LRCH3: variants seen among roughly 807,000 people sequenced by gnomAD.
LRCH3 encodes the protein DISP complex protein LRCH3.
A neutral mutation model predicts 104.5 loss-of-function variants in LRCH3; 68 were observed. The ratio of observed to expected loss-of-function variants is 0.65; its 90% CI spans 0.54 to 0.80. The LOEUF is 0.80. Among genes scored for constraint, LRCH3 ranks in the 30% least tolerant of loss-of-function variants. LRCH3 has a pLI of 0.00. For missense variants in LRCH3, 951 were observed against 953.9 expected, an observed-to-expected ratio of 1.00 and a Z score of 0.04; for synonymous variants, 344 against 361.3, an observed-to-expected ratio of 0.95 and a Z score of 0.54.
chr3:197,862,096 A>G (rs552145107), intron 15 of LRCH3, among the ~76,000 whole-genome samples: 10 of 152,194 alleles, frequency 6.6e-5, no homozygotes, highest in African/African-American at 2.4e-4. Context: ...CCCAGTTTCA[A>G]GTGATTCTCC....
At chr3:197,875,592 T>TA in intron 19 of LRCH3, 106 bp from the exon 20 acceptor site, 1 of 758,382 alleles carries the variant, frequency 1.3e-6, no homozygotes, top group Non-Finnish European at 2.1e-6. Flanking sequence ...AGGTCAATGA[T>TA]ACAGCGAGCC....
chr3:197,814,928 T>G lies in LRCH3; in HGVS notation c.283T>G (p.Ser95Ala). ...TTTAGACCTGTCGCGAAATCGCCTT[T>G]CAGAAATTCCTATAGAAGCATGTCA... is the stretch of plus-strand genomic sequence containing the variant. ...TRADLSRNRL[S>A]EIPIEACHFV... The change falls in exon 2 of 21, where the codon TCA (serine) becomes GCA (alanine). Residue 95 changes from serine (S) to alanine (A), a missense_variant. Ser to Ala is a moderately conservative substitution (Grantham distance 99). Coordinates refer to ENST00000425562, the MANE Select transcript of LRCH3 (RefSeq NM_001365715.1). The G allele has an allele frequency of 1.3e-6, 2 of 1,595,568 alleles. No individual in the cohort carries two copies. The highest frequency in any genetic ancestry group is 1.7e-6 in the Non-Finnish European group (2 of 1,174,302).
chr3:197,848,638 A>G (rs527891565), intron 12 of LRCH3: 1 of 152,724 alleles, frequency 6.5e-6, no homozygotes, highest in South Asian at 2.1e-4. Context: ...TCTCTCATTT[A>G]TCTGTAAACT....
In LRCH3 at chr3:197,888,260, CAT is replaced by C. The variant is rs959338882; in HGVS notation, c.*4595_*4596del. 1 of 152,150 alleles carries C rather than the reference CAT, an allele frequency of 6.6e-6. No individual in the cohort carries two copies. The highest frequency in any genetic ancestry group is 1.5e-5 in the Non-Finnish European group (1 of 68,034). 9.4% of individuals were successfully genotyped at this position (152,150 alleles called of 1,614,324 possible). A position where few individuals can be genotyped will look rare whatever the true frequency, so the allele number is the denominator to read the frequency against. ...GTTTTATTTCTGAAAATGTTGTAAACATGTAATTAGTGAAAGATTTTGTAAAA... is the reference window on the plus strand; with the variant it reads ...GTTTTATTTCTGAAAATGTTGTAAACGTAATTAGTGAAAGATTTTGTAAAA... On this transcript the variant is annotated 3_prime_UTR_variant, in exon 21 of 21. Coordinates refer to ENST00000425562, the MANE Select transcript of LRCH3 (RefSeq NM_001365715.1).
At chr3:197,855,617 C>T (rs1050585889) in intron 14 of LRCH3, among the ~76,000 whole-genome samples, 2 of 152,066 alleles carry the variant, frequency 1.3e-5, no homozygotes, top group African/African-American at 4.8e-5. Context: ...AACTGAAAAC[C>T]GTTTAGGAAA....
intron 1 of LRCH3, among the ~76,000 whole-genome samples, chr3:197,797,213 C>T (rs1731311717): frequency 6.6e-6 from 1 of 150,870 alleles, no homozygotes; most frequent in African/African-American, 2.4e-5. Flanking sequence ...GCTGTAATCG[C>T]AGCTACTTGG....
At chr3:197,872,097 C>G (rs1712260275) in intron 19 of LRCH3, among the ~76,000 whole-genome samples, 1 of 152,138 alleles carries the variant, frequency 6.6e-6, no homozygotes, top group Non-Finnish European at 1.5e-5. Flanking sequence ...GTGGCTCATG[C>G]TTATAATCTT....
At chr3:197,820,851 T>C (rs1734416294) in intron 4 of LRCH3, among the ~76,000 whole-genome samples, 1 of 152,038 alleles carries the variant, frequency 6.6e-6, no homozygotes, top group Non-Finnish European at 1.5e-5. Context: ...TGTGTGTGTC[T>C]GTGTGTGTTT....
At chr3:197,804,194 T>G (rs1448413401) in intron 1 of LRCH3, among the ~76,000 whole-genome samples, 2 of 150,342 alleles carry the variant, frequency 1.3e-5, no homozygotes, top group Admixed American at 6.7e-5. Flanking sequence ...ACCCCAGAGG[T>G]GGAGGTTGCA....
chr3:197,837,716 G>A lies in LRCH3; in HGVS notation c.1252-1605G>A, dbSNP rs529663175. Reference sequence around the variant, plus strand: ...TCATTTTGTCATGAAAATTTCGTGTGCCTCTTAGAATAATTTTAGATAATT... The same window carrying A: ...TCATTTTGTCATGAAAATTTCGTGTACCTCTTAGAATAATTTTAGATAATT... On this transcript the variant is annotated intron_variant, in intron 9 of 20. Transcript: ENST00000425562. Among the ~76,000 whole-genome samples, 275 of 151,714 alleles carry A rather than the reference G, an allele frequency of 1.8e-3. 2 individuals carry two copies. Among genetic ancestry groups the A allele is most frequent in the Middle Eastern group, 3.4e-3 (1 of 294 alleles).
rs763896665 is a variant in LRCH3, at chr3:197,820,434, A to G, written c.640+4A>G. 27 of 1,492,064 alleles carry G rather than the reference A, an allele frequency of 1.8e-5. No individual in the cohort carries two copies. In the South Asian group the frequency reaches 3.1e-4, roughly 17 times the overall value. The allele number at this position is 1,492,064 out of a possible 1,614,324, so 92.4% of individuals were successfully genotyped here. A position where few individuals can be genotyped will look rare whatever the true frequency, so the allele number is the denominator to read the frequency against. ...CACCTAGTACATTTGCCTGAAGGTA[A>G]GAAACTATGAAATAAGAAACCATGA... is the stretch of plus-strand genomic sequence containing the variant. On this transcript the variant is annotated splice_donor_region_variant and intron_variant, in intron 4 of 20. Transcript: ENST00000425562.
chr3:197,851,148 CGG>C (rs531351896), intron 12 of LRCH3, among the ~76,000 whole-genome samples: 2 of 152,110 alleles, frequency 1.3e-5, no homozygotes, highest in Non-Finnish European at 2.9e-5. Flanking sequence ...TGCTGCCTCT[CGG>C]TAATAATGGT....
intron 17 of LRCH3, among the ~76,000 whole-genome samples, chr3:197,866,609 T>G (rs1288568524): frequency 1.3e-5 from 2 of 152,168 alleles, no homozygotes; most frequent in African/African-American, 4.8e-5. Flanking sequence ...ATGACAAATT[T>G]CTCCCTGGTC....
At chr3:197,844,764 C>T (rs552197947) in intron 10 of LRCH3, among the ~76,000 whole-genome samples, 21 of 152,160 alleles carry the variant, frequency 1.4e-4, no homozygotes, top group East Asian at 3.9e-4. Context: ...ACTACAGGCG[C>T]GCACCACCAC....
intron 15 of LRCH3, 34 bp from the exon 16 acceptor site, chr3:197,865,388 AT>A (rs745614003): frequency 7.1e-7 from 1 of 1,406,018 alleles, no homozygotes; most frequent in South Asian, 1.2e-5. Context: ...TTCTTCTTGA[AT>A]AACAATTATT....
chr3:197,830,526 C>T (rs144091625), intron 6 of LRCH3, among the ~76,000 whole-genome samples: 11 of 152,198 alleles, frequency 7.2e-5, no homozygotes, highest in African/African-American at 2.2e-4. Context: ...CCTCATTGGA[C>T]GAACAAGAAT....
In LRCH3 at chr3:197,826,886, G is replaced by T; in HGVS notation, c.649G>T (p.Glu217Ter). 2 of 1,614,052 alleles carry T rather than the reference G, an allele frequency of 1.2e-6. No homozygotes were observed. The highest frequency in any genetic ancestry group is 1.7e-6 in the Non-Finnish European group (2 of 1,180,008). Residue 217 changes from glutamate (E) to a stop codon, truncating the protein, a stop_gained, in exon 5 of 21, where the codon GAG becomes TAG. Transcript: ENST00000425562. LOFTEE classifies it high-confidence loss of function. ...HLVHLPEELA[E>*]LPLIRLDFSC... ...ATTTTACCTTCTTGCAGAGCTGGCG[G>T]AGTTGCCTTTGATACGGTTAGACTT... is the stretch of plus-strand genomic sequence containing the variant.
intron 20 of LRCH3, among the ~76,000 whole-genome samples, chr3:197,879,981 T>C (rs185970792): frequency 6.6e-6 from 1 of 150,734 alleles, no homozygotes. Context: ...AGTCTCGCTC[T>C]GTCACCCAGG....
In LRCH3 at chr3:197,813,026, CTGT is replaced by C. The variant is rs530352996; in HGVS notation, c.263-1877_263-1875del. ...AATTTCTCCACATTCTTAACAACAC[CTGT>C]TGTTTTTTCCTTTTTTAATAATAGT... is the stretch of plus-strand genomic sequence containing the variant. On this transcript the variant is annotated intron_variant, in intron 1 of 20. Transcript: ENST00000425562. 2.4e-3 allele frequency among the ~76,000 whole-genome samples: 367 copies of C among 152,258 alleles called. 14 individuals are homozygous for C. Among genetic ancestry groups the C allele is most frequent in the Admixed American group, 0.024 (365 of 15,288 alleles).
Sources: gnomAD v4.1 joint callset for allele counts (sites outside exome capture counted in the v4.1 genomes callset) on GRCh38, gnomAD v4.1.1 for gene constraint, MANE v1.5 for transcripts, NCBI Gene and HGNC (gene_info 2026-07-23, HGNC 2026-07-21) for gene names.